EIF4G2: variants seen among roughly 807,000 people sequenced by gnomAD.
The protein encoded by EIF4G2 is DAP-5.
A neutral mutation model predicts 117.7 loss-of-function variants in EIF4G2; 8 were observed. The observed-to-expected ratio is 0.07, with a 90% CI of 0.04 to 0.12. EIF4G2 has a LOEUF of 0.12. Among genes scored for constraint, EIF4G2 ranks in the 10% least tolerant of loss-of-function variants. The pLI is 1.00. For missense variants in EIF4G2, 812 were observed against 1,086.2 expected, an observed-to-expected ratio of 0.75 and a Z score of 3.55; for synonymous variants, 413 against 367.8, an observed-to-expected ratio of 1.12 and a Z score of -1.41.
intron 5 of EIF4G2, 85 bp downstream of exon 5, chr11:10,804,828 A>G (rs1847517752): frequency 1.8e-6 from 2 of 1,115,782 alleles, no homozygotes; most frequent in Admixed American, 1.8e-5. Flanking sequence ...GGTTTTAAGT[A>G]GTAATCCAAG....
intron 18 of EIF4G2, 130 bp downstream of exon 18, chr11:10,799,960 C>A: frequency 8.5e-7 from 1 of 1,171,462 alleles, no homozygotes; most frequent in South Asian, 1.5e-5. Flanking sequence ...TAGGTGAGAT[C>A]TGTGGTAATG....
intron 2 of EIF4G2, 49 bp from the exon 3 acceptor site, chr11:10,806,934 C>A: frequency 6.8e-7 from 1 of 1,463,190 alleles, no homozygotes; most frequent in Non-Finnish European, 9.0e-7. Flanking sequence ...ATGTCTCACT[C>A]AAAAAGAATA....
rs1847352459 is a variant in EIF4G2 at position 10,799,320 on chromosome 11, A to T, written c.2429T>A (p.Leu810Gln). The change falls in exon 20 of 22, where the codon CTA (leucine) becomes CAA (glutamine). Residue 810 changes from leucine (L) to glutamine (Q), a missense_variant. By Grantham distance (113) the Leu-to-Gln change is moderately radical. Transcript: ENST00000339995. Reference sequence around the variant, plus strand: ...TTTCTGCATTACTGGCTTGAAAGATAGTAGTAGTTGTTTTTCCTGCTCTAA... The same window carrying T: ...TTTCTGCATTACTGGCTTGAAAGATTGTAGTAGTTGTTTTTCCTGCTCTAA... 1.2e-6 allele frequency: 2 copies of T among 1,614,102 alleles called. No homozygotes were observed. The highest frequency in any genetic ancestry group is 1.7e-6 in the Non-Finnish European group (2 of 1,180,024).
chr11:10,801,484 A>T (rs778946831), intron 14 of EIF4G2, 177 bp downstream of exon 14: 4 of 771,750 alleles, frequency 5.2e-6, no homozygotes, highest in African/African-American at 3.4e-5. Flanking sequence ...CATATCTCAT[A>T]ATCTTCGCTC....
In EIF4G2 at chr11:10,803,032, T is replaced by C. The variant is rs1218394063; in HGVS notation, c.994A>G (p.Lys332Glu). ...AACAAAACAAAACCCAATCTTACTT[T>C]TACTGCATCTTGACGAATTTGATTG... Residue 332 changes from lysine to glutamate, a missense_variant and splice_region_variant, in exon 11 of 22, where the codon AAA becomes GAA. Around this residue, in one of 4 missense-constraint regions of EIF4G2, gnomAD observed 154 missense variants for 322.1 expected, o/e 0.48. Transcript: ENST00000339995. The surrounding 1 kb of genome is among the most constrained non-coding windows in gnomAD (Gnocchi z 4.0). 1 of 1,608,456 alleles carries C rather than the reference T, an allele frequency of 6.2e-7. No homozygotes were observed. The highest frequency in any genetic ancestry group is 8.5e-7 in the Non-Finnish European group (1 of 1,177,502).
intron 6 of EIF4G2, 29 bp from the exon 7 acceptor site, chr11:10,804,232 T>C: frequency 2.5e-6 from 4 of 1,613,086 alleles, no homozygotes; most frequent in Admixed American, 1.7e-5. Context: ...TCATGCTTTA[T>C]TAAGGAAATT....
intron 11 of EIF4G2, among the ~76,000 whole-genome samples, chr11:10,802,822 G>C (rs111984005): frequency 2.0e-5 from 3 of 152,312 alleles, no homozygotes; most frequent in African/African-American, 7.2e-5. Context: ...AATCGAGAAT[G>C]CGCCACTGCA....
chr11:10,803,821 C>A lies in EIF4G2; in HGVS notation c.702+78G>T. 6.6e-7 allele frequency: 1 copy of A among 1,508,244 alleles called. No homozygotes were observed. Among genetic ancestry groups the A allele is most frequent in the Non-Finnish European group, 9.0e-7 (1 of 1,114,372 alleles). 93.4% of individuals were successfully genotyped at this position (1,508,244 alleles called of 1,614,324 possible). ...TGCACATCTGTATTTAACTAGTCAA[C>A]CTCCCTCTTAGATGAATAATTGACT... On this transcript the variant is annotated intron_variant, in intron 8 of 21. Coordinates refer to ENST00000339995, the MANE Select transcript of EIF4G2 (RefSeq NM_001418.4). The surrounding 1 kb of genome is among the most constrained non-coding windows in gnomAD (Gnocchi z 4.0).
chr11:10,807,403 A>C, intron 1 of EIF4G2, 22 bp from the exon 2 acceptor site: 1 of 1,582,778 alleles, frequency 6.3e-7, no homozygotes, highest in Non-Finnish European at 8.5e-7. Context: ...AAGAGCACCA[A>C]AATTAGACAC....
intron 1 of EIF4G2, chr11:10,808,110 C>T: frequency 9.5e-7 from 1 of 1,053,482 alleles, no homozygotes; most frequent in Non-Finnish European, 1.2e-6. Flanking sequence ...AGGCGGCCTC[C>T]TGCCCACCCG....
rs767003268 is a variant in EIF4G2, at chr11:10,797,888, A to G, written c.2659-7T>C. On this transcript the variant is annotated splice_polypyrimidine_tract_variant and splice_region_variant and intron_variant, in intron 21 of 21. Transcript: ENST00000339995. The surrounding 1 kb of genome is among the most constrained non-coding windows in gnomAD (Gnocchi z 4.5). Reference sequence around the variant, plus strand: ...AGGTTAGCCACTGATTCACCTATAAATTAAGATTTGTAAATTAAAATAGTT... The same window carrying G: ...AGGTTAGCCACTGATTCACCTATAAGTTAAGATTTGTAAATTAAAATAGTT... 1.9e-6 allele frequency: 3 copies of G among 1,612,962 alleles called. No homozygotes were observed. The highest frequency in any genetic ancestry group is 2.5e-6 in the Non-Finnish European group (3 of 1,179,530).
intron 11 of EIF4G2, among the ~76,000 whole-genome samples, chr11:10,802,675 G>A (rs1041745676): frequency 1.6e-4 from 24 of 152,192 alleles, no homozygotes; most frequent in Non-Finnish European, 3.4e-4. Flanking sequence ...AGACAAGCCT[G>A]GCCAACATGG....
Position 10,797,899 on chromosome 11 carries a change from T to C in EIF4G2, c.2659-18A>G. On this transcript the variant is annotated intron_variant, in intron 21 of 21. Transcript: ENST00000339995. This position sits in a 1 kb window ranked among gnomAD's most constrained non-coding sequence, Gnocchi z 4.5. ...TGATTCACCTATAAATTAAGATTTG[T>C]AAATTAAAATAGTTCATGATATAAA... 1 of 1,610,122 alleles carries C rather than the reference T, an allele frequency of 6.2e-7. No individual in the cohort carries two copies. Among genetic ancestry groups the C allele is most frequent in the Non-Finnish European group, 8.5e-7 (1 of 1,177,512 alleles).
At chr11:10,807,891 G>A (rs1397601984) in intron 1 of EIF4G2, 13 of 1,006,930 alleles carry the variant, frequency 1.3e-5, no homozygotes, top group African/African-American at 1.7e-5. Flanking sequence ...CTTGCAGGCG[G>A]AAGACCAGGG....
intron 21 of EIF4G2, 123 bp downstream of exon 21, chr11:10,798,869 A>C (rs1170847882): frequency 9.1e-7 from 1 of 1,103,142 alleles, no homozygotes; most frequent in Non-Finnish European, 1.3e-6. Flanking sequence ...TGAAATGTAC[A>C]GGTGAAGACA....
chr11:10,800,506 C>T lies in EIF4G2; in HGVS notation c.1786G>A (p.Asp596Asn), dbSNP rs895699476. The T allele has an allele frequency of 6.2e-7, 1 of 1,614,168 alleles. No homozygotes were observed. The highest frequency in any genetic ancestry group is 8.5e-7 in the Non-Finnish European group (1 of 1,180,024). Reference sequence around the variant, plus strand: ...ATCAAAGAACTTGCTTTTTCTTTATCTTCATCGCTTCTATCTAGTGACAGG... The same window carrying T: ...ATCAAAGAACTTGCTTTTTCTTTATTTTCATCGCTTCTATCTAGTGACAGG... The change falls in exon 17 of 22, where the codon GAT (aspartate) becomes AAT (asparagine). Residue 596 changes from aspartate (D) to asparagine (N), a missense_variant. Around this residue, in one of 4 missense-constraint regions of EIF4G2, gnomAD observed 571 missense variants for 642.3 expected, o/e 0.89. Coordinates refer to ENST00000339995, the MANE Select transcript of EIF4G2 (RefSeq NM_001418.4).
chr11:10,804,054 A>T lies in EIF4G2; in HGVS notation c.551-4T>A, dbSNP rs1847494828. The T allele has an allele frequency of 6.2e-7, 1 of 1,613,348 alleles. No individual in the cohort carries two copies. ...GGATTTTCACGCTTATCATAGACTG[A>T]AAAAGATACCAATGAAGTAAGCCAA... On this transcript the variant is annotated splice_polypyrimidine_tract_variant and splice_region_variant and intron_variant, in intron 7 of 21. Coordinates refer to ENST00000339995, the MANE Select transcript of EIF4G2 (RefSeq NM_001418.4).
At position 10,805,949 on chromosome 11, in the gene EIF4G2, T is replaced by C; in HGVS notation, c.206A>G (p.Asn69Ser). ...GATTGCATCATGTCGTTCTTTTTCG[T>C]TTGCGGAGTTGTTTGCTGCGGAGTT... is the stretch of plus-strand genomic sequence containing the variant. Residue 69 changes from asparagine (N) to serine (S), a missense_variant, in exon 4 of 22, where the codon AAC becomes AGC. Physicochemically the swap from Asn to Ser is conservative, Grantham distance 46. Coordinates refer to ENST00000339995, the MANE Select transcript of EIF4G2 (RefSeq NM_001418.4). 6.2e-7 allele frequency: 1 copy of C among 1,614,180 alleles called. No homozygotes were observed. The highest frequency in any genetic ancestry group is 8.5e-7 in the Non-Finnish European group (1 of 1,180,020).
At chr11:10,801,458 T>A (rs772703453) in intron 14 of EIF4G2, 2 of 725,464 alleles carry the variant, frequency 2.8e-6, no homozygotes, top group Admixed American at 2.1e-5. Context: ...CTAACAGACT[T>A]TAGGAGACTT....
Sources: allele counts gnomAD v4.1 joint callset (sites outside exome capture counted in the v4.1 genomes callset), GRCh38; gene constraint gnomAD v4.1.1; regional missense constraint gnomAD v4.1.1; non-coding constraint Gnocchi (gnomAD v3.1); transcripts MANE v1.5; gene names NCBI Gene and HGNC (gene_info 2026-07-23, HGNC 2026-07-21).